The following IGF2BP2 variants were observed in gnomAD, a reference collection of about 807,000 sequenced individuals.
IGF2BP2 encodes insulin like growth factor 2 mRNA binding protein 2, also known as insulin-like growth factor 2 mRNA-binding protein 2.
A neutral mutation model predicts 75.8 loss-of-function variants in IGF2BP2; 17 were observed. That is an observed-to-expected ratio of 0.22 (90% CI 0.15 to 0.34). IGF2BP2 has a LOEUF of 0.34. IGF2BP2 is among the 10% of genes least tolerant of loss of function. The pLI is 1.00. For synonymous variants in IGF2BP2, 288 were observed against 295.6 expected (o/e 0.97, Z 0.26); for missense variants, 516 against 772.4 (o/e 0.67, Z 3.93).
intron 10 of IGF2BP2, among the ~76,000 whole-genome samples, chr3:185,669,237 T>C (rs1718139241): frequency 6.6e-6 from 1 of 152,138 alleles, no homozygotes; most frequent in Non-Finnish European, 1.5e-5. Context: ...GATTCTTTGA[T>C]TCTACTTCCA....
chr3:185,643,882 T>C lies in IGF2BP2; in HGVS notation c.*1649A>G, dbSNP rs2149008989. The C allele has an allele frequency of 6.6e-6, 1 of 151,750 alleles. No individual in the cohort carries two copies. The highest frequency in any genetic ancestry group is 2.1e-4 in the South Asian group (1 of 4,792). The allele number at this position is 151,750 out of a possible 1,614,324, so 9.4% of individuals were successfully genotyped here. On this transcript the variant is annotated 3_prime_UTR_variant, in exon 16 of 16. Coordinates refer to ENST00000382199, the MANE Select transcript of IGF2BP2 (RefSeq NM_006548.6). ...GCTTGTCCACATAAACCAGTACATG[T>C]TCATCCTTTAGCGCAAAAAGCCCTA...
chr3:185,665,482 AAGGAGGAGAAGGAGG>A (rs1717346549), intron 10 of IGF2BP2, among the ~76,000 whole-genome samples: 1 of 42,630 alleles, frequency 2.3e-5, no homozygotes, highest in Non-Finnish European at 4.4e-5. Flanking sequence ...GAAGGAGAAG[AAGGAGGAGAAGGAGG>A]AGGAGAAGGA....
At chr3:185,693,328 T>C (rs531712969) in intron 4 of IGF2BP2, 1 of 152,392 alleles carries the variant, frequency 6.6e-6, no homozygotes, top group African/African-American at 2.4e-5. Context: ...ATTTATTACA[T>C]CACTATCAAG....
At chr3:185,716,500 A>T (rs745549342) in intron 2 of IGF2BP2, 1 of 520,138 alleles carries the variant, frequency 1.9e-6, no homozygotes, top group South Asian at 1.4e-5. Flanking sequence ...TAAAAAGAAC[A>T]GCTTTTGGGG....
intron 2 of IGF2BP2, among the ~76,000 whole-genome samples, chr3:185,768,882 C>T (rs1467975467): frequency 6.6e-6 from 1 of 152,106 alleles, no homozygotes; most frequent in Non-Finnish European, 1.5e-5. Flanking sequence ...CAGAAATTAG[C>T]CAGATGTGGT....
chr3:185,746,249 T>C (rs2149597080), intron 2 of IGF2BP2, among the ~76,000 whole-genome samples: 1 of 152,286 alleles, frequency 6.6e-6, no homozygotes, highest in South Asian at 2.1e-4. Context: ...GGGGGCACCT[T>C]GAGTGGGCGG....
intron 2 of IGF2BP2, among the ~76,000 whole-genome samples, chr3:185,765,702 T>C (rs1388046572): frequency 6.6e-6 from 1 of 152,230 alleles, no homozygotes; most frequent in Non-Finnish European, 1.5e-5. Context: ...CTGCAGCAGC[T>C]TCACCCCACA....
At chr3:185,776,294 GA>G (rs1441019036) in intron 2 of IGF2BP2, among the ~76,000 whole-genome samples, 1 of 152,130 alleles carries the variant, frequency 6.6e-6, no homozygotes, top group African/African-American at 2.4e-5. Context: ...GGTAGGCAAG[GA>G]TAGATTAAAA....
At chr3:185,732,626 T>A (rs533764726) in intron 2 of IGF2BP2, among the ~76,000 whole-genome samples, 13 of 152,174 alleles carry the variant, frequency 8.5e-5, no homozygotes, top group Non-Finnish European at 1.6e-4. Context: ...GCAAGACCCA[T>A]GTCTCAAGCT....
intron 2 of IGF2BP2, chr3:185,821,166 AT>A: frequency 6.9e-7 from 1 of 1,447,956 alleles, no homozygotes. Flanking sequence ...ATTTAAACTA[AT>A]AAAGGAAAGG....
chr3:185,784,267 T>TACACAGAC (rs1382659925), intron 2 of IGF2BP2, among the ~76,000 whole-genome samples: 1 of 151,618 alleles, frequency 6.6e-6, no homozygotes, highest in South Asian at 2.1e-4. Context: ...GATAGATAGA[T>TACACAGAC]AGACAGACAG....
At chr3:185,806,067 G>A (rs1193499325) in intron 2 of IGF2BP2, among the ~76,000 whole-genome samples, 2 of 152,098 alleles carry the variant, frequency 1.3e-5, no homozygotes, top group African/African-American at 4.8e-5. Flanking sequence ...GCCTCCCAGA[G>A]TGCTGGGATT....
At chr3:185,824,571 G>A (rs1578430366) in intron 1 of IGF2BP2, among the ~76,000 whole-genome samples, 1 of 150,666 alleles carries the variant, frequency 6.6e-6, no homozygotes, top group East Asian at 2.0e-4. Flanking sequence ...GCGGCCCCGA[G>A]GGCGAGGGCA....
chr3:185,647,799 G>A lies in IGF2BP2; in HGVS notation c.1594-661C>T, dbSNP rs945216925. Among the ~76,000 whole-genome samples the A allele has an allele frequency of 1.3e-5, 2 of 152,334 alleles. No individual in the cohort carries two copies. Among genetic ancestry groups the A allele is most frequent in the Non-Finnish European group, 2.9e-5 (2 of 68,016 alleles). ...GGCCTGCTTCCCAACAGGACTGCACGCTTCCTGAGGGCTCAGACCCCGTCC... is the reference window on the plus strand; with the variant it reads ...GGCCTGCTTCCCAACAGGACTGCACACTTCCTGAGGGCTCAGACCCCGTCC... On this transcript the variant is annotated intron_variant, in intron 14 of 15. Coordinates refer to ENST00000382199, the MANE Select transcript of IGF2BP2 (RefSeq NM_006548.6). The surrounding 1 kb of genome is among the most constrained non-coding windows in gnomAD (Gnocchi z 4.9).
chr3:185,654,589 C>G (rs1411064595), intron 12 of IGF2BP2, among the ~76,000 whole-genome samples: 1 of 152,234 alleles, frequency 6.6e-6, no homozygotes, highest in East Asian at 1.9e-4. Flanking sequence ...CTGCCTGGCA[C>G]TGGCCAGCCT....
At chr3:185,740,939 G>A (rs538742237) in intron 2 of IGF2BP2, among the ~76,000 whole-genome samples, 42 of 152,290 alleles carry the variant, frequency 2.8e-4, no homozygotes, top group Non-Finnish European at 3.2e-4. Context: ...GTGCGGTGGC[G>A]CGATCTCGGC....
chr3:185,649,613 A>G, intron 13 of IGF2BP2, 79 bp from the exon 14 acceptor site: 2 of 1,571,170 alleles, frequency 1.3e-6, no homozygotes, highest in South Asian at 1.2e-5. Context: ...AGGGCACTGG[A>G]GAGTCCAGAC....
intron 10 of IGF2BP2, among the ~76,000 whole-genome samples, chr3:185,666,843 T>C (rs1717717002): frequency 6.6e-6 from 1 of 152,160 alleles, no homozygotes; most frequent in Non-Finnish European, 1.5e-5. Flanking sequence ...GAAAAGGTAA[T>C]AATCAGTCTT....
intron 2 of IGF2BP2, among the ~76,000 whole-genome samples, chr3:185,814,934 C>T (rs903625969): frequency 7.2e-5 from 11 of 152,190 alleles, no homozygotes; most frequent in African/African-American, 2.6e-4. Context: ...CCATTATTTT[C>T]CTTCTCTAAG....
Sources: allele counts gnomAD v4.1 joint callset (sites outside exome capture counted in the v4.1 genomes callset), GRCh38; gene constraint gnomAD v4.1.1; non-coding constraint Gnocchi (gnomAD v3.1); transcripts MANE v1.5; gene names NCBI Gene and HGNC (gene_info 2026-07-23, HGNC 2026-07-21).